The following SLC24A2 variants were observed in gnomAD, a reference collection of about 807,000 sequenced individuals.
The protein encoded by SLC24A2 is sodium/potassium/calcium exchanger 2.
SLC24A2 carries 36 observed loss-of-function variants against 62.0 expected under a neutral mutation model. The ratio of observed to expected loss-of-function variants is 0.58; its 90% CI spans 0.44 to 0.77. The LOEUF (loss-of-function observed/expected upper bound fraction) is 0.77. Among genes scored for constraint, SLC24A2 ranks in the 30% least tolerant of loss-of-function variants. The probability of loss-of-function intolerance (pLI) is 0.00; values close to 1 mark genes in which losing one functional copy is unlikely to be tolerated. For synonymous variants in SLC24A2, 358 were observed against 294.0 expected, an observed-to-expected ratio of 1.22 and a Z score of -2.23; for missense variants, 846 against 817.9, an observed-to-expected ratio of 1.03 and a Z score of -0.42.
chr9:19,734,719 G>A (rs1821451089), intron 2 of SLC24A2, among the ~76,000 whole-genome samples: 1 of 152,064 alleles, frequency 6.6e-6, no homozygotes, highest in Non-Finnish European at 1.5e-5. Context: ...TGTGATTTTT[G>A]CACATTGATT....
At chr9:19,519,898 G>A (rs149345490) in intron 10 of SLC24A2, among the ~76,000 whole-genome samples, 1 of 152,162 alleles carries the variant, frequency 6.6e-6, no homozygotes, top group Non-Finnish European at 1.5e-5. Context: ...TGCTACAATT[G>A]ATAGCACAGA....
the SLC24A2 span, among the ~76,000 whole-genome samples, chr9:20,019,238 AAAGAAAGAAG>A: frequency 6.7e-6 from 1 of 148,642 alleles, no homozygotes; most frequent in Non-Finnish European, 1.5e-5. Context: ...AAAGAAAGAA[AAAGAAAGAAG>A]GAAAGAGAAA....
the SLC24A2 span, among the ~76,000 whole-genome samples, chr9:20,216,254 T>C: frequency 6.6e-6 from 1 of 152,170 alleles, no homozygotes; most frequent in Non-Finnish European, 1.5e-5. Flanking sequence ...ATTAGAGAAA[T>C]ACCAGCAGTA....
the SLC24A2 span, among the ~76,000 whole-genome samples, chr9:20,091,012 C>G: frequency 0.015 from 2,352 of 151,808 alleles, 27 homozygotes; most frequent in Non-Finnish European, 0.026. Context: ...CAGAACCTAA[C>G]TGATCTGACA....
chr9:19,694,637 T>C (rs1049830123), intron 2 of SLC24A2, among the ~76,000 whole-genome samples: 1 of 152,190 alleles, frequency 6.6e-6, no homozygotes, highest in Non-Finnish European at 1.5e-5. Context: ...ATTGCACATA[T>C]TTTAAAATTC....
the SLC24A2 span, among the ~76,000 whole-genome samples, chr9:20,117,691 G>A: frequency 2.4e-4 from 37 of 152,054 alleles, 1 homozygote; most frequent in Admixed American, 3.9e-4. Context: ...CCTAGTAAAC[G>A]GTGCCAGGTC....
chr9:20,056,391 G>C, the SLC24A2 span, among the ~76,000 whole-genome samples: 1 of 152,064 alleles, frequency 6.6e-6, no homozygotes, highest in Non-Finnish European at 1.5e-5. Flanking sequence ...CAAGGATGTG[G>C]GATGGGAGAT....
chr9:19,601,649 AT>A (rs34887330), intron 4 of SLC24A2, among the ~76,000 whole-genome samples: 135,194 of 151,066 alleles, frequency 0.89, 60,618 homozygotes, highest in Middle Eastern at 0.92. Context: ...CTGTTAGAAT[AT>A]TTTTTTTTTT....
intron 7 of SLC24A2, among the ~76,000 whole-genome samples, chr9:19,567,749 T>A (rs1301966059): frequency 1.3e-5 from 2 of 150,442 alleles, no homozygotes; most frequent in African/African-American, 2.4e-5. Flanking sequence ...CCAGATCAGA[T>A]TTCTCAGTGT....
intron 8 of SLC24A2, among the ~76,000 whole-genome samples, chr9:19,546,626 TG>T (rs1197785800): frequency 6.6e-6 from 1 of 152,038 alleles, no homozygotes; most frequent in African/African-American, 2.4e-5. Context: ...CTGGACTCCG[TG>T]GGGGTTGGAC....
chr9:20,159,185 A>T, the SLC24A2 span, among the ~76,000 whole-genome samples: 1 of 151,656 alleles, frequency 6.6e-6, no homozygotes, highest in African/African-American at 2.4e-5. Flanking sequence ...AACGTGCAGT[A>T]ATATGTGGAA....
chr9:19,696,458 T>A (rs1276223027), intron 2 of SLC24A2, among the ~76,000 whole-genome samples: 2 of 152,224 alleles, frequency 1.3e-5, no homozygotes, highest in Non-Finnish European at 2.9e-5. Context: ...CTGTACGCCA[T>A]GCTTGTCCTT....
At chr9:19,591,038 C>G (rs570235691) in intron 5 of SLC24A2, among the ~76,000 whole-genome samples, 1 of 152,162 alleles carries the variant, frequency 6.6e-6, no homozygotes, top group Non-Finnish European at 1.5e-5. Context: ...TTTGCTGGGC[C>G]TCCCCTTTTT....
the SLC24A2 span, among the ~76,000 whole-genome samples, chr9:20,110,019 G>T: frequency 6.6e-6 from 1 of 151,816 alleles, no homozygotes; most frequent in Non-Finnish European, 1.5e-5. Flanking sequence ...ATATATACAG[G>T]GTTAATTTTT....
intron 2 of SLC24A2, among the ~76,000 whole-genome samples, chr9:19,759,271 G>A (rs1822239843): frequency 6.6e-6 from 1 of 152,112 alleles, no homozygotes; most frequent in Non-Finnish European, 1.5e-5. Context: ...AACCATATCT[G>A]GGTTTCTCAG....
At chr9:19,960,528 C>A in the SLC24A2 span, among the ~76,000 whole-genome samples, 3 of 152,262 alleles carry the variant, frequency 2.0e-5, no homozygotes, top group African/African-American at 7.2e-5. Context: ...TGGGCTAAAG[C>A]AAATAATAAT....
the SLC24A2 span, among the ~76,000 whole-genome samples, chr9:20,271,140 C>G: frequency 3.3e-5 from 5 of 152,120 alleles, no homozygotes; most frequent in East Asian, 9.6e-4. Flanking sequence ...CCCATAGAGC[C>G]CTTTCTCCAC....
intron 9 of SLC24A2, among the ~76,000 whole-genome samples, chr9:19,523,565 T>G (rs896487646): frequency 1.3e-5 from 2 of 152,038 alleles, no homozygotes; most frequent in Non-Finnish European, 2.9e-5. Flanking sequence ...TGGGTTCAAG[T>G]GATTCTCCTG....
chr9:20,234,177 A>G, the SLC24A2 span, among the ~76,000 whole-genome samples: 3 of 152,060 alleles, frequency 2.0e-5, no homozygotes, highest in Admixed American at 1.3e-4. Flanking sequence ...CTTCATTTCA[A>G]CTTTGGTGAA....
Sources: allele counts gnomAD v4.1 joint callset (sites outside exome capture counted in the v4.1 genomes callset), GRCh38; gene constraint gnomAD v4.1.1; transcripts MANE v1.5; gene names NCBI Gene and HGNC (gene_info 2026-07-23, HGNC 2026-07-21).